The following DLG2 variants were observed in gnomAD, a reference collection of about 807,000 sequenced individuals.
DLG2 encodes discs large MAGUK scaffold protein 2.
A neutral mutation model predicts 132.5 loss-of-function variants in DLG2; 45 were observed. The ratio of observed to expected loss-of-function variants is 0.34; its 90% CI spans 0.27 to 0.44. DLG2 has a LOEUF of 0.44. DLG2 is among the 20% of genes least tolerant of loss of function. The pLI, the probability that DLG2 is intolerant of heterozygous loss-of-function variation, is 1.00. For missense variants in DLG2, 1,045 were observed against 1,196.9 expected (o/e 0.87, Z 1.87); for synonymous variants, 424 against 419.6 (o/e 1.01, Z -0.13).
intron 6 of DLG2, among the ~76,000 whole-genome samples, chr11:84,836,532 C>G (rs1005285992): frequency 6.6e-6 from 1 of 151,814 alleles, no homozygotes; most frequent in African/African-American, 2.4e-5. Context: ...TTGGACTACT[C>G]TAACATTCCT....
chr11:83,720,952 G>A (rs1045397839), intron 18 of DLG2: 17 of 152,056 alleles, frequency 1.1e-4, no homozygotes, highest in African/African-American at 4.1e-4. Context: ...GTATCTGGGG[G>A]TGAATCAACT....
intron 3 of DLG2, among the ~76,000 whole-genome samples, chr11:85,348,388 A>G (rs1388618837): frequency 6.6e-6 from 1 of 151,378 alleles, no homozygotes; most frequent in Non-Finnish European, 1.5e-5. Flanking sequence ...AAGCCCAGCT[A>G]ATTTTTGTAC....
At chr11:83,724,476 T>TGTGAGAGAGAGAGAGAGAGAGAGA (rs762050933) in intron 18 of DLG2, among the ~76,000 whole-genome samples, 3 of 118,226 alleles carry the variant, frequency 2.5e-5, no homozygotes, top group East Asian at 2.7e-4. Flanking sequence ...TGTGTGTGTG[T>TGTGAGAGAGAGAGAGAGAGAGAGA]GAGAGAGAGA....
At chr11:85,067,526 G>C (rs1021239139) in intron 6 of DLG2, among the ~76,000 whole-genome samples, 9 of 151,840 alleles carry the variant, frequency 5.9e-5, no homozygotes, top group African/African-American at 2.2e-4. Flanking sequence ...ATGTGTCCCA[G>C]AGATTCTGGT....
At chr11:83,472,298 G>T (rs1057368710) in intron 23 of DLG2, among the ~76,000 whole-genome samples, 8 of 152,232 alleles carry the variant, frequency 5.3e-5, no homozygotes, top group African/African-American at 1.4e-4. Context: ...GTAGCAATTA[G>T]CCTCTGTATA....
At chr11:85,425,248 C>A (rs2090623768) in intron 3 of DLG2, among the ~76,000 whole-genome samples, 2 of 151,940 alleles carry the variant, frequency 1.3e-5, no homozygotes, top group South Asian at 4.2e-4. Context: ...TTATAAACAA[C>A]ACTAATACAA....
At chr11:83,611,863 T>C (rs190417232) in intron 19 of DLG2, among the ~76,000 whole-genome samples, 37 of 152,206 alleles carry the variant, frequency 2.4e-4, no homozygotes, top group African/African-American at 8.4e-4. Flanking sequence ...AGATCATTTC[T>C]TTCTGCTTTT....
intron 8 of DLG2, among the ~76,000 whole-genome samples, chr11:84,192,350 A>G (rs1261926682): frequency 6.6e-6 from 1 of 152,220 alleles, no homozygotes; most frequent in African/African-American, 2.4e-5. Context: ...ACAGCATCTA[A>G]TATCTGTTCT....
intron 3 of DLG2, among the ~76,000 whole-genome samples, chr11:85,291,863 G>A (rs1382678424): frequency 1.3e-5 from 2 of 152,072 alleles, no homozygotes; most frequent in East Asian, 1.9e-4. Context: ...GGGATTACAG[G>A]CATAAGCCAC....
intron 17 of DLG2, among the ~76,000 whole-genome samples, chr11:83,822,261 T>C (rs2051039458): frequency 1.3e-5 from 2 of 152,272 alleles, no homozygotes; most frequent in South Asian, 4.1e-4. Context: ...TCTTCTCCTT[T>C]TATTCTCTCA....
intron 19 of DLG2, chr11:83,632,673 A>G (rs2153458906): frequency 6.6e-6 from 1 of 152,458 alleles, no homozygotes; most frequent in Non-Finnish European, 1.5e-5. Flanking sequence ...ACAAGGAACA[A>G]GTAACTTCTA....
rs1255072652 is a variant in DLG2, at chr11:84,865,758, C to G, written c.357+245903G>C. Among the ~76,000 whole-genome samples, 3 of 152,118 alleles carry G rather than the reference C, an allele frequency of 2.0e-5. No individual in the cohort carries two copies. The East Asian group carries it at 5.8e-4, about 29-fold the overall frequency. On this transcript the variant is annotated intron_variant, in intron 6 of 27. Coordinates refer to ENST00000376104, the MANE Select transcript of DLG2 (RefSeq NM_001142699.3). ...CTTATATGTGAATTAGCCATCAAAG[C>G]TGAAAATGTTTGGAAAAAAATCCAC...
chr11:84,327,537 T>C (rs1188886720), intron 7 of DLG2, among the ~76,000 whole-genome samples: 2 of 152,300 alleles, frequency 1.3e-5, no homozygotes, highest in African/African-American at 4.8e-5. Flanking sequence ...TGTCCCTGTT[T>C]TTCTCTCTTG....
intron 7 of DLG2, among the ~76,000 whole-genome samples, chr11:84,510,143 TA>T (rs1308254368): frequency 6.6e-6 from 1 of 150,546 alleles, no homozygotes; most frequent in African/African-American, 2.4e-5. Flanking sequence ...AGAAAATAAT[TA>T]AAAACAGTAA....
At chr11:85,570,999 G>A (rs2077812753) in intron 3 of DLG2, among the ~76,000 whole-genome samples, 1 of 151,776 alleles carries the variant, frequency 6.6e-6, no homozygotes, top group African/African-American at 2.4e-5. Context: ...GTGAAATATT[G>A]CTCTCATGGT....
At chr11:83,928,664 C>T (rs2079484594) in intron 15 of DLG2, among the ~76,000 whole-genome samples, 1 of 152,068 alleles carries the variant, frequency 6.6e-6, no homozygotes, top group South Asian at 2.1e-4. Flanking sequence ...GGGTTTGAAT[C>T]CCAGCTGTCA....
chr11:84,804,221 C>T (rs1286636777), intron 6 of DLG2, among the ~76,000 whole-genome samples: 1 of 152,202 alleles, frequency 6.6e-6, no homozygotes, highest in Non-Finnish European at 1.5e-5. Context: ...ACTGTGACTA[C>T]TGCCAACTTT....
chr11:84,206,896 T>C (rs890955384), intron 8 of DLG2, among the ~76,000 whole-genome samples: 3 of 151,938 alleles, frequency 2.0e-5, no homozygotes, highest in Non-Finnish European at 2.9e-5. Context: ...AAAATTCATA[T>C]AAAATTAGGT....
chr11:83,712,010 A>C (rs777106731), intron 18 of DLG2, among the ~76,000 whole-genome samples: 1 of 152,164 alleles, frequency 6.6e-6, no homozygotes, highest in Admixed American at 6.5e-5. Flanking sequence ...AAACAAAAAA[A>C]CCGGATCTTG....
Sources: allele counts gnomAD v4.1 joint callset (sites outside exome capture counted in the v4.1 genomes callset), GRCh38; gene constraint gnomAD v4.1.1; transcripts MANE v1.5; gene names NCBI Gene and HGNC (gene_info 2026-07-23, HGNC 2026-07-21).